IL1RAPL1: variants seen among roughly 807,000 people sequenced by gnomAD.
The protein encoded by IL1RAPL1 is interleukin 1 receptor accessory protein like 1.
IL1RAPL1 carries 3 observed loss-of-function variants against 48.4 expected under a neutral mutation model. That is an observed-to-expected ratio of 0.06 (90% CI 0.03 to 0.16). IL1RAPL1 has a LOEUF of 0.16. Among genes scored for constraint, IL1RAPL1 ranks in the 10% least tolerant of loss-of-function variants. The pLI is 1.00. For missense variants in IL1RAPL1, 349 were observed against 530.6 expected (o/e 0.66, Z 3.36); for synonymous variants, 185 against 187.7 (o/e 0.99, Z 0.12).
chrX:29,435,527 G>T (rs1934472537), intron 5 of IL1RAPL1, among the ~76,000 whole-genome samples: 1 of 110,853 alleles, frequency 9.0e-6, no homozygotes, highest in Admixed American at 9.6e-5. Context: ...CCATCCTAGT[G>T]AATGCGAAGT....
rs751285468 is a variant in IL1RAPL1, at chrX:29,855,883, C to A, written c.779-61581C>A. On this transcript the variant is annotated intron_variant, in intron 6 of 10. Transcript: ENST00000378993. ...GCTCAGAAAGTGGTAGCTACTCTTA[C>A]TGTCTCAGACAGTACCTGAGTCTCT... 4.5e-5 allele frequency among the ~76,000 whole-genome samples: 5 copies of A among 111,366 alleles called. No homozygotes were observed. In the South Asian group the frequency reaches 1.9e-3, roughly 42 times the overall value.
chrX:29,852,585 G>A (rs1183498509), intron 6 of IL1RAPL1, among the ~76,000 whole-genome samples: 1 of 112,040 alleles, frequency 8.9e-6, no homozygotes, highest in Non-Finnish European at 1.9e-5. Context: ...TTAGTCTCCT[G>A]TACCTTTAGG....
At chrX:29,276,538 A>T (rs147866483) in intron 2 of IL1RAPL1, among the ~76,000 whole-genome samples, 1 of 109,554 alleles carries the variant, frequency 9.1e-6, no homozygotes, top group Non-Finnish European at 1.9e-5. Flanking sequence ...AACACCAAAG[A>T]TATACATTTT....
chrX:28,948,499 C>T (rs1398064390), intron 2 of IL1RAPL1, among the ~76,000 whole-genome samples: 1 of 110,797 alleles, frequency 9.0e-6, no homozygotes, highest in Non-Finnish European at 1.9e-5. Context: ...GAATTGAATT[C>T]CCGGACAGAT....
intron 1 of IL1RAPL1, among the ~76,000 whole-genome samples, chrX:28,751,662 A>G (rs771955552): frequency 2.7e-5 from 3 of 112,343 alleles, no homozygotes; most frequent in Non-Finnish European, 3.8e-5. Context: ...AAGCTCCATG[A>G]GAGCAGAGAT....
intron 1 of IL1RAPL1, among the ~76,000 whole-genome samples, chrX:28,704,831 CAAAA>C (rs1179973377): frequency 6.9e-3 from 205 of 29,647 alleles, no homozygotes; most frequent in African/African-American, 0.03. Flanking sequence ...CACACACACA[CAAAA>C]AAAAAAAAAA....
chrX:29,429,680 T>C (rs1007959751), intron 5 of IL1RAPL1, among the ~76,000 whole-genome samples: 1 of 110,983 alleles, frequency 9.0e-6, no homozygotes, highest in South Asian at 3.8e-4. Context: ...AGTGAGTTAC[T>C]TTTTCTTTCT....
At chrX:29,717,396 G>A (rs991201791) in intron 6 of IL1RAPL1, among the ~76,000 whole-genome samples, 1 of 112,126 alleles carries the variant, frequency 8.9e-6, no homozygotes, top group Admixed American at 9.5e-5. Context: ...CTCATGGCAA[G>A]GCCAGTGACA....
At chrX:29,070,625 T>A (rs979878610) in intron 2 of IL1RAPL1, among the ~76,000 whole-genome samples, 19 of 111,540 alleles carry the variant, frequency 1.7e-4, no homozygotes, top group African/African-American at 6.2e-4. Context: ...TGCACCAAAA[T>A]TAGGAAGTTG....
At chrX:29,323,260 A>G (rs1932815907) in intron 3 of IL1RAPL1, among the ~76,000 whole-genome samples, 1 of 111,269 alleles carries the variant, frequency 9.0e-6, no homozygotes, top group African/African-American at 3.3e-5. Flanking sequence ...CTCTATCTCC[A>G]TGGCTTAATT....
chrX:29,850,833 C>G (rs1031131397), intron 6 of IL1RAPL1, among the ~76,000 whole-genome samples: 2 of 112,334 alleles, frequency 1.8e-5, no homozygotes, highest in African/African-American at 6.5e-5. Flanking sequence ...TAATATTTGG[C>G]TATTAGTTGT....
intron 2 of IL1RAPL1, among the ~76,000 whole-genome samples, chrX:28,912,663 G>A (rs1923390382): frequency 9.0e-6 from 1 of 111,004 alleles, no homozygotes; most frequent in Non-Finnish European, 1.9e-5. Context: ...ACTTTGAGAT[G>A]AGGATTCTGC....
At chrX:29,914,693 AAAAAC>A (rs774906788) in intron 6 of IL1RAPL1, among the ~76,000 whole-genome samples, 309 of 82,038 alleles carry the variant, frequency 3.8e-3, no homozygotes, top group Non-Finnish European at 5.4e-3. Flanking sequence ...TGGTACAAAA[AAAAAC>A]AAAAACAAAA....
intron 2 of IL1RAPL1, among the ~76,000 whole-genome samples, chrX:29,084,258 A>T (rs971801709): frequency 2.7e-5 from 3 of 112,445 alleles, no homozygotes; most frequent in African/African-American, 9.7e-5. Context: ...TAGATTATTC[A>T]TTAATGAAAC....
At position 28,685,419 on chromosome X, in the gene IL1RAPL1, A is replaced by G. The variant is rs753566546; in HGVS notation, c.-25+97372A>G. On this transcript the variant is annotated intron_variant, in intron 1 of 10. Coordinates refer to ENST00000378993, the MANE Select transcript of IL1RAPL1 (RefSeq NM_014271.4). ...AATACTCTTTTCTCTGGGATTTTATAGGTAAAGTAGTAATTTCTTAATGGT... is the reference window on the plus strand; with the variant it reads ...AATACTCTTTTCTCTGGGATTTTATGGGTAAAGTAGTAATTTCTTAATGGT... Among the ~76,000 whole-genome samples, 3 of 112,814 alleles carry G rather than the reference A, an allele frequency of 2.7e-5. No individual in the cohort carries two copies. In the East Asian group the frequency reaches 8.4e-4, roughly 31 times the overall value.
At chrX:29,437,099 T>G (rs1293099623) in intron 5 of IL1RAPL1, among the ~76,000 whole-genome samples, 1 of 111,404 alleles carries the variant, frequency 9.0e-6, no homozygotes, top group Non-Finnish European at 1.9e-5. Flanking sequence ...TATTTAATTT[T>G]TATTACTTCC....
chrX:29,541,423 T>A (rs980916642), intron 5 of IL1RAPL1, among the ~76,000 whole-genome samples: 1 of 111,644 alleles, frequency 9.0e-6, no homozygotes, highest in African/African-American at 3.3e-5. Context: ...AGCAATCCTA[T>A]TACTAGGTAT....
Position 29,638,912 on chromosome X carries a change from C to T in IL1RAPL1, c.704-29518C>T, listed in dbSNP as rs185938533. On this transcript the variant is annotated intron_variant, in intron 5 of 10. Transcript: ENST00000378993. Reference sequence around the variant, plus strand: ...TTTAAGAACAGGTTTTAAGGCCAGGCGCGGTGGCTCACGCCTGTAATCCCA... The same window carrying T: ...TTTAAGAACAGGTTTTAAGGCCAGGTGCGGTGGCTCACGCCTGTAATCCCA... Among the ~76,000 whole-genome samples the T allele has an allele frequency of 2.9e-4, 33 of 112,211 alleles. No homozygotes were observed. The East Asian group carries it at 7.9e-3, about 27-fold the overall frequency.
intron 5 of IL1RAPL1, among the ~76,000 whole-genome samples, chrX:29,572,483 A>G (rs1922626169): frequency 8.9e-6 from 1 of 112,405 alleles, no homozygotes; most frequent in Non-Finnish European, 1.9e-5. Flanking sequence ...GTTGCCTAAG[A>G]ATTGTTGGCA....
Sources: allele counts gnomAD v4.1 joint callset (sites outside exome capture counted in the v4.1 genomes callset), GRCh38; gene constraint gnomAD v4.1.1; transcripts MANE v1.5; gene names NCBI Gene and HGNC (gene_info 2026-07-23, HGNC 2026-07-21).